CES2: variants seen among roughly 807,000 people sequenced by gnomAD.
The protein encoded by CES2 is carboxylesterase 2.
A neutral mutation model predicts 52.1 loss-of-function variants in CES2; 42 were observed. The observed-to-expected ratio is 0.81, with a 90% confidence interval of 0.63 to 1.04. The LOEUF (loss-of-function observed/expected upper bound fraction) is 1.04, where lower values mean the gene tolerates loss of function less well. Among genes scored for constraint, CES2 ranks in the 50% least tolerant of loss-of-function variants. The pLI, the probability that CES2 is intolerant of heterozygous loss-of-function variation, is 0.00. For synonymous variants in CES2, 277 were observed against 289.6 expected (o/e 0.96, Z 0.44); for missense variants, 656 against 724.3 (o/e 0.91, Z 1.08).
rs768608918 is a variant in CES2, at chr16:66,935,533, A to G, written c.-103A>G. 1.7e-5 allele frequency: 28 copies of G among 1,614,014 alleles called. No individual in the cohort carries two copies. Among genetic ancestry groups the G allele is most frequent in the Admixed American group, 6.7e-5 (4 of 60,020 alleles). The stretch of plus-strand genomic sequence containing the variant: ...TGACTCCCTGCCCAGTCCAAACTCC[A>G]AGGCTGGGCAAGGCACTGATCCACT... On this transcript the variant is annotated 5_prime_UTR_variant, in exon 1 of 12. Transcript: ENST00000317091.
chr16:66,941,756 C>T lies in CES2; in HGVS notation c.1057-12C>T. 1 of 1,614,144 alleles carries T rather than the reference C, an allele frequency of 6.2e-7. No homozygotes were observed. The highest frequency in any genetic ancestry group is 1.3e-5 in the African/African-American group (1 of 75,030). On this transcript the variant is annotated splice_polypyrimidine_tract_variant and intron_variant, in intron 7 of 11. Coordinates refer to ENST00000317091, the MANE Select transcript of CES2 (RefSeq NM_001365405.1). ...CCCATCCCCAGCTACAGACTCTCTC[C>T]TGGCCATCCAGGTCATGAGGATCTA...
chr16:66,936,143 C>G (rs945195326), intron 1 of CES2, among the ~76,000 whole-genome samples: 12 of 152,116 alleles, frequency 7.9e-5, no homozygotes, highest in Admixed American at 1.3e-4. Flanking sequence ...GGGGGGATGC[C>G]CTGAGCCCTC....
rs778154573 is a variant in CES2 at position 66,935,594 on chromosome 16, C to G, written c.-42C>G. The G allele has an allele frequency of 1.2e-5, 19 of 1,612,080 alleles. No homozygotes were observed. In the Admixed American group the frequency reaches 3.2e-4, roughly 27 times the overall value. ...CCCGGGGCAGCCTCTGGGTGAACAGCAGCGTGTCCGCCGGCAGCGAACCGA... is the reference window on the plus strand; with the variant it reads ...CCCGGGGCAGCCTCTGGGTGAACAGGAGCGTGTCCGCCGGCAGCGAACCGA... On this transcript the variant is annotated 5_prime_UTR_variant, in exon 1 of 12. Transcript: ENST00000317091.
chr16:66,935,831 G>T (rs766429513), intron 1 of CES2, 120 bp downstream of exon 1: 87 of 1,570,538 alleles, frequency 5.5e-5, no homozygotes, highest in Non-Finnish European at 7.0e-5. Context: ...GGAGATGACA[G>T]CGTGGAACTC....
upstream of CES2, chr16:66,935,405 C>G (rs750126262): frequency 3.9e-6 from 6 of 1,541,472 alleles, no homozygotes; most frequent in Non-Finnish European, 3.5e-6. Context: ...GGAAAGTGGC[C>G]GTGCCCGGGC....
At position 66,943,067 on chromosome 16, in the gene CES2, A is replaced by T. The variant is rs778558529; in HGVS notation, c.1421-232A>T. ...TTTATTTCTTCAGTGACTCCCAGAGATAGAAGGAAGAAGGGGCCTTTGGGG... is the reference window on the plus strand; with the variant it reads ...TTTATTTCTTCAGTGACTCCCAGAGTTAGAAGGAAGAAGGGGCCTTTGGGG... On this transcript the variant is annotated intron_variant, in intron 10 of 11. Transcript: ENST00000317091. This position sits in a 1 kb window ranked among gnomAD's most constrained non-coding sequence, Gnocchi z 4.2. Among the ~76,000 whole-genome samples the T allele has an allele frequency of 3.9e-5, 6 of 152,160 alleles. No individual in the cohort carries two copies.
chr16:66,940,665 C>A lies in CES2; in HGVS notation c.786C>A (p.Leu262=). Residue 262 remains leucine (L), a synonymous_variant, in exon 5 of 12, where the codon CTC becomes CTA. Coordinates refer to ENST00000317091, the MANE Select transcript of CES2 (RefSeq NM_001365405.1). Reference sequence around the variant, plus strand: ...GTGGCGTGGCCCTCCTGCCCGGCCTCATTGCCAGCTCAGCTGATGTCATCT... The same window carrying A: ...GTGGCGTGGCCCTCCTGCCCGGCCTAATTGCCAGCTCAGCTGATGTCATCT... ...MESGVALLPG[L]IASSADVIST... The A allele has an allele frequency of 6.2e-7, 1 of 1,614,210 alleles. No homozygotes were observed. Among genetic ancestry groups the A allele is most frequent in the Non-Finnish European group, 8.5e-7 (1 of 1,180,038 alleles).
chr16:66,940,818 C>T lies in CES2; in HGVS notation c.816+123C>T, dbSNP rs551718195. 4,671 of 1,291,202 alleles carry T rather than the reference C, an allele frequency of 3.6e-3. 23 individuals are homozygous for T. The highest frequency in any genetic ancestry group is 4.4e-3 in the Non-Finnish European group (4,266 of 960,692). 80.0% of individuals were successfully genotyped at this position (1,291,202 alleles called of 1,614,324 possible). Reference sequence around the variant, plus strand: ...GCATGCTCCAGGAGCTGCTGCCTACCGTGGAATTGCTGGGGGGCTCCAGGG... The same window carrying T: ...GCATGCTCCAGGAGCTGCTGCCTACTGTGGAATTGCTGGGGGGCTCCAGGG... On this transcript the variant is annotated intron_variant, in intron 5 of 11. Transcript: ENST00000317091.
chr16:66,935,584 G>C lies in CES2; in HGVS notation c.-52G>C. Reference sequence around the variant, plus strand: ...GCTGGACAGACCCGGGGCAGCCTCTGGGTGAACAGCAGCGTGTCCGCCGGC... The same window carrying C: ...GCTGGACAGACCCGGGGCAGCCTCTCGGTGAACAGCAGCGTGTCCGCCGGC... On this transcript the variant is annotated 5_prime_UTR_variant, in exon 1 of 12. Coordinates refer to ENST00000317091, the MANE Select transcript of CES2 (RefSeq NM_001365405.1). 1 of 1,613,276 alleles carries C rather than the reference G, an allele frequency of 6.2e-7. No individual in the cohort carries two copies.
chr16:66,938,501 G>T, intron 2 of CES2: 1 of 535,638 alleles, frequency 1.9e-6, no homozygotes, highest in Non-Finnish European at 3.4e-6. Context: ...GCAGACACAC[G>T]TATCTCCCCA....
chr16:66,942,150 G>A lies in CES2; in HGVS notation c.1183G>A (p.Gly395Arg). The A allele has an allele frequency of 3.7e-6, 6 of 1,613,428 alleles. No homozygotes were observed. The highest frequency in any genetic ancestry group is 5.1e-6 in the Non-Finnish European group (6 of 1,179,500). The change falls in exon 9 of 12, where the codon GGG becomes AGG. Residue 395 changes from glycine to arginine, a missense_variant. By Grantham distance (125) the Gly-to-Arg change is moderately radical. Transcript: ENST00000317091. ...TGACCTGCTGAGGGAGGAGTACATTGGGGACAATGGGGATCCCCAGACCCT... is the reference window on the plus strand; with the variant it reads ...TGACCTGCTGAGGGAGGAGTACATTAGGGACAATGGGGATCCCCAGACCCT... ...FGDLLREEYI[G>R]DNGDPQTLQA...
At chr16:66,942,488 G>A in intron 9 of CES2, 160 bp from the exon 10 acceptor site, 1 of 848,504 alleles carries the variant, frequency 1.2e-6, no homozygotes, top group Non-Finnish European at 1.8e-6. Context: ...ACACAGCAAA[G>A]AATCGCAAGT....
intron 8 of CES2, 44 bp downstream of exon 8, chr16:66,941,892 C>T: frequency 6.2e-7 from 1 of 1,612,366 alleles, no homozygotes. Flanking sequence ...GGGCTCCTCT[C>T]CTGTCCTGAG....
intron 1 of CES2, chr16:66,936,084 T>A: frequency 9.7e-7 from 1 of 1,027,800 alleles, no homozygotes; most frequent in African/African-American, 1.7e-5. Context: ...GTAATAACAG[T>A]AATAGCTTCT....
In CES2 at chr16:66,943,161, C is replaced by A; in HGVS notation, c.1421-138C>A. ...AGGGAAAGTTTGGAAAAGGGGAGGG[C>A]TGGCTTCTGAGGGCAGTGGAAGAAA... On this transcript the variant is annotated intron_variant, in intron 10 of 11. Coordinates refer to ENST00000317091, the MANE Select transcript of CES2 (RefSeq NM_001365405.1). This position sits in a 1 kb window ranked among gnomAD's most constrained non-coding sequence, Gnocchi z 4.2. 2 of 876,114 alleles carry A rather than the reference C, an allele frequency of 2.3e-6. No individual in the cohort carries two copies. Among genetic ancestry groups the A allele is most frequent in the Non-Finnish European group, 3.5e-6 (2 of 565,514 alleles). 54.3% of individuals were successfully genotyped at this position (876,114 alleles called of 1,614,324 possible). A position where few individuals can be genotyped will look rare whatever the true frequency, so the allele number is the denominator to read the frequency against.
chr16:66,939,432 G>C, intron 3 of CES2, 74 bp downstream of exon 3: 1 of 1,490,138 alleles, frequency 6.7e-7, no homozygotes, highest in South Asian at 1.1e-5. Flanking sequence ...GACAATATTA[G>C]CTCAGGCCCT....
At chr16:66,938,893 G>C (rs931640760) in intron 2 of CES2, among the ~76,000 whole-genome samples, 1 of 152,142 alleles carries the variant, frequency 6.6e-6, no homozygotes, top group African/African-American at 2.4e-5. Context: ...CAGGCCTTAC[G>C]GGTTACAGGA....
In CES2 at chr16:66,935,632, G is replaced by A. The variant is rs370463068; in HGVS notation, c.-4G>A. The A allele has an allele frequency of 6.2e-7, 1 of 1,606,616 alleles. No homozygotes were observed. The highest frequency in any genetic ancestry group is 8.5e-7 in the Non-Finnish European group (1 of 1,179,900). ...GGCAGCGAACCGAGACCAGCGAGCC[G>A]ACCATGCGGCTGCACAGACTTCGTG... On this transcript the variant is annotated 5_prime_UTR_variant, in exon 1 of 12. Coordinates refer to ENST00000317091, the MANE Select transcript of CES2 (RefSeq NM_001365405.1).
rs1439671398 is a variant in CES2, at chr16:66,943,550, CTA to C, written c.1493+181_1493+182del. ...GGGTGCGTGGGGCAGTGGACACGCT[CTA>C]TCTCTCCAGTCTACCTGGAGGGTGG... On this transcript the variant is annotated intron_variant, in intron 11 of 11. Transcript: ENST00000317091. This position sits in a 1 kb window ranked among gnomAD's most constrained non-coding sequence, Gnocchi z 4.2. 1 of 651,420 alleles carries C rather than the reference CTA, an allele frequency of 1.5e-6. No homozygotes were observed. Among genetic ancestry groups the C allele is most frequent in the Admixed American group, 2.7e-5 (1 of 37,166 alleles). The allele number at this position is 651,420 out of a possible 1,614,324, so 40.4% of individuals were successfully genotyped here.
Sources: gnomAD v4.1 joint callset for allele counts (sites outside exome capture counted in the v4.1 genomes callset) on GRCh38, gnomAD v4.1.1 for gene constraint, Gnocchi (gnomAD v3.1) non-coding constraint, MANE v1.5 for transcripts, NCBI Gene and HGNC (gene_info 2026-07-23, HGNC 2026-07-21) for gene names.